Variants in CDYL observed in about 807,000 individuals in gnomAD.
The protein encoded by CDYL is chromodomain Y-like protein.
In CDYL, 8 loss-of-function variants were observed where a neutral mutation model predicts 47.3. That is an observed-to-expected ratio of 0.17 (90% CI 0.10 to 0.31). CDYL has a LOEUF of 0.31. CDYL is among the 10% of genes least tolerant of loss of function. The pLI is 1.00. For missense variants in CDYL, 471 were observed against 701.4 expected, an observed-to-expected ratio of 0.67 and a Z score of 3.71; for synonymous variants, 266 against 265.0, an observed-to-expected ratio of 1.00 and a Z score of -0.04.
intron 1 of CDYL, among the ~76,000 whole-genome samples, chr6:4,828,528 T>A (rs1760044843): frequency 6.6e-6 from 1 of 152,178 alleles, no homozygotes; most frequent in Admixed American, 6.5e-5. Context: ...TCAAGTCACC[T>A]CCTGCTGCTT....
intron 2 of CDYL, among the ~76,000 whole-genome samples, chr6:4,892,724 G>A (rs1227948408): frequency 2.0e-5 from 3 of 152,186 alleles, no homozygotes; most frequent in Non-Finnish European, 2.9e-5. Context: ...GTCTTGTCTC[G>A]TGTTAAGCGT....
In CDYL at chr6:4,776,523, C is replaced by G. The variant is rs1011687536; in HGVS notation, c.-261C>G. 1.4e-5 allele frequency: 2 copies of G among 147,112 alleles called. No individual in the cohort carries two copies. Among genetic ancestry groups the G allele is most frequent in the African/African-American group, 5.2e-5 (2 of 38,594 alleles). The allele number at this position is 147,112 out of a possible 1,614,324, so 9.1% of individuals were successfully genotyped here. ...CGGCCCCGCGGCGGGGCGCGATGAGCCCGAGCGCGAGCCGGCCCGCCGGGG... is the reference window on the plus strand; with the variant it reads ...CGGCCCCGCGGCGGGGCGCGATGAGGCCGAGCGCGAGCCGGCCCGCCGGGG... On this transcript the variant is annotated 5_prime_UTR_variant, in exon 1 of 7. Coordinates refer to ENST00000397588, the MANE Select transcript of CDYL (RefSeq NM_004824.4).
intron 1 of CDYL, among the ~76,000 whole-genome samples, chr6:4,845,050 A>C (rs1760614776): frequency 1.3e-5 from 2 of 152,208 alleles, no homozygotes; most frequent in African/African-American, 2.4e-5. Flanking sequence ...GATACTCCAA[A>C]GTGCACTTAC....
At chr6:4,821,786 G>A (rs1759846926) in intron 1 of CDYL, among the ~76,000 whole-genome samples, 2 of 151,392 alleles carry the variant, frequency 1.3e-5, no homozygotes, top group Non-Finnish European at 2.9e-5. Flanking sequence ...CCTAATATTT[G>A]TGGCTTACCA....
intron 4 of CDYL, among the ~76,000 whole-genome samples, chr6:4,939,851 G>A (rs1245206205): frequency 6.6e-6 from 1 of 152,190 alleles, no homozygotes; most frequent in Non-Finnish European, 1.5e-5. Context: ...CACGCTGAAT[G>A]TACACATAAT....
chr6:4,713,567 T>TA (rs1757194936), intron 1 of CDYL, among the ~76,000 whole-genome samples: 1 of 149,654 alleles, frequency 6.7e-6, no homozygotes, highest in South Asian at 2.1e-4. Flanking sequence ...TACAGAGTCT[T>TA]AAAACTTCTA....
intron 1 of CDYL, among the ~76,000 whole-genome samples, chr6:4,846,731 A>G (rs1236989986): frequency 6.6e-6 from 1 of 152,188 alleles, no homozygotes; most frequent in African/African-American, 2.4e-5. Context: ...ATTAAACTCA[A>G]ACTGGCTTAT....
intron 3 of CDYL, among the ~76,000 whole-genome samples, chr6:4,744,917 A>C (rs754781585): frequency 6.6e-6 from 1 of 152,010 alleles, no homozygotes; most frequent in Non-Finnish European, 1.5e-5. Flanking sequence ...TTCATCACCT[A>C]TGTAATCAGT....
At chr6:4,717,742 T>TAAAAAAAAAAAAAAA (rs1434471633) in intron 2 of CDYL, among the ~76,000 whole-genome samples, 3 of 115,978 alleles carry the variant, frequency 2.6e-5, no homozygotes, top group African/African-American at 9.6e-5. Flanking sequence ...AAAAAAAAAT[T>TAAAAAAAAAAAAAAA]AAAAATTGAA....
At chr6:4,865,530 C>T (rs1761296832) in intron 1 of CDYL, among the ~76,000 whole-genome samples, 1 of 152,188 alleles carries the variant, frequency 6.6e-6, no homozygotes, top group South Asian at 2.1e-4. Context: ...GTGCTGTTTT[C>T]TTGCAGCACC....
intron 4 of CDYL, among the ~76,000 whole-genome samples, chr6:4,940,152 T>C (rs969592582): frequency 1.3e-5 from 2 of 152,206 alleles, no homozygotes; most frequent in African/African-American, 4.8e-5. Context: ...TTCACTTTCA[T>C]CAGCTCCCTG....
intron 2 of CDYL, among the ~76,000 whole-genome samples, chr6:4,900,785 A>ATGTATGTATGTG (rs1279182436): frequency 3.2e-5 from 1 of 31,544 alleles, no homozygotes; most frequent in East Asian, 1.7e-3. Context: ...GTGTGTATAT[A>ATGTATGTATGTG]TATATATATA....
chr6:4,846,183 TA>T (rs75102410), intron 1 of CDYL, among the ~76,000 whole-genome samples: 1,840 of 135,402 alleles, frequency 0.014, 9 homozygotes, highest in Admixed American at 0.022. Context: ...ACTGCCTTCT[TA>T]AAAAAAAAAA....
intron 1 of CDYL, among the ~76,000 whole-genome samples, chr6:4,812,608 C>T (rs1226722719): frequency 6.6e-6 from 1 of 152,126 alleles, no homozygotes; most frequent in African/African-American, 2.4e-5. Context: ...TTGCCTATCC[C>T]TCCCCTTTGC....
In CDYL at chr6:4,928,279, G is replaced by A. The variant is rs370364776; in HGVS notation, c.692-7236G>A. On this transcript the variant is annotated intron_variant, in intron 2 of 6. Coordinates refer to ENST00000397588, the MANE Select transcript of CDYL (RefSeq NM_004824.4). ...GTGTGTGTATGTGTGTGTGTGTGAG[G>A]GGGGCTGTCTTTTTATGTTTCTTAG... is the stretch of plus-strand genomic sequence containing the variant. Among the ~76,000 whole-genome samples the A allele has an allele frequency of 2.6e-5, 4 of 152,206 alleles. No homozygotes were observed. In the East Asian group the frequency reaches 7.7e-4, roughly 29 times the overall value.
chr6:4,942,740 A>G (rs747878420), intron 4 of CDYL, among the ~76,000 whole-genome samples: 47 of 152,198 alleles, frequency 3.1e-4, no homozygotes, highest in East Asian at 1.9e-4. Flanking sequence ...CCTGATCTAA[A>G]GCAAATCCCA....
chr6:4,925,417 T>TC (rs1757840042), intron 2 of CDYL, among the ~76,000 whole-genome samples: 1 of 144,530 alleles, frequency 6.9e-6, no homozygotes, highest in Non-Finnish European at 1.5e-5. Flanking sequence ...TTCTTTTTTT[T>TC]TTTTTTTTTT....
chr6:4,951,936 A>G (rs948595553), intron 5 of CDYL, among the ~76,000 whole-genome samples: 2 of 152,214 alleles, frequency 1.3e-5, no homozygotes, highest in South Asian at 2.1e-4. Flanking sequence ...AAGCTATACC[A>G]GTAACTTTTT....
chr6:4,738,256 A>C (rs1476384273), intron 3 of CDYL, among the ~76,000 whole-genome samples: 1 of 152,180 alleles, frequency 6.6e-6, no homozygotes, highest in Non-Finnish European at 1.5e-5. Context: ...GCACACCTGT[A>C]ATCCCAACTA....
Sources: allele counts gnomAD v4.1 joint callset (sites outside exome capture counted in the v4.1 genomes callset), GRCh38; gene constraint gnomAD v4.1.1; transcripts MANE v1.5; gene names NCBI Gene and HGNC (gene_info 2026-07-23, HGNC 2026-07-21).